The following FBXW7 variants were observed in gnomAD, a reference collection of about 807,000 sequenced individuals.
The protein encoded by FBXW7 is F-box and WD repeat domain containing 7, also known as F-box/WD repeat-containing protein 7.
A neutral mutation model predicts 86.3 loss-of-function variants in FBXW7; 11 were observed. The observed-to-expected ratio is 0.13, with a 90% CI of 0.08 to 0.21. The LOEUF (loss-of-function observed/expected upper bound fraction) is 0.21. FBXW7 is among the 10% of genes least tolerant of loss of function. The probability of loss-of-function intolerance (pLI) is 1.00; values close to 1 mark genes in which losing one functional copy is unlikely to be tolerated. For synonymous variants in FBXW7, 313 were observed against 297.9 expected (o/e 1.05, Z -0.52); for missense variants, 488 against 847.4 (o/e 0.58, Z 5.27).
rs548804951 is a variant in FBXW7 at position 152,446,145 on chromosome 4, A to G, written c.-119-33616T>C. On this transcript the variant is annotated intron_variant, in intron 2 of 13. Transcript: ENST00000281708. The stretch of plus-strand genomic sequence containing the variant: ...TAGGTACTGAATAAACTCCCTAATG[A>G]CATTATCTTTGTTAGAAAGTCTAGA... 2.6e-5 allele frequency among the ~76,000 whole-genome samples: 4 copies of G among 152,268 alleles called. No individual in the cohort carries two copies. The East Asian group carries it at 7.7e-4, about 29-fold the overall frequency.
At chr4:152,506,781 A>G (rs1219916282) in intron 2 of FBXW7, among the ~76,000 whole-genome samples, 2 of 152,238 alleles carry the variant, frequency 1.3e-5, no homozygotes. Context: ...AACTACTGCA[A>G]TTAGGTGGAT....
At chr4:152,406,680 G>A (rs761790890) in intron 4 of FBXW7, among the ~76,000 whole-genome samples, 101 of 152,264 alleles carry the variant, frequency 6.6e-4, no homozygotes, top group Non-Finnish European at 1.2e-3. Context: ...CTAATGAAAG[G>A]AAAGGGTACA....
intron 4 of FBXW7, among the ~76,000 whole-genome samples, chr4:152,391,643 T>C (rs1736005798): frequency 6.6e-6 from 1 of 152,064 alleles, no homozygotes; most frequent in African/African-American, 2.4e-5. Context: ...GGGGAAGAGA[T>C]TAAACACTGA....
chr4:152,470,481 C>G (rs1241963299), intron 2 of FBXW7, among the ~76,000 whole-genome samples: 1 of 152,004 alleles, frequency 6.6e-6, no homozygotes, highest in Non-Finnish European at 1.5e-5. Flanking sequence ...ATATTTCACA[C>G]AGTATTCATT....
At chr4:152,517,130 C>A (rs563766857) in intron 2 of FBXW7, among the ~76,000 whole-genome samples, 5 of 152,088 alleles carry the variant, frequency 3.3e-5, no homozygotes, top group Admixed American at 1.3e-4. Context: ...GCTGTTTCTG[C>A]CTTTCTAAAC....
At chr4:152,510,109 C>T (rs1747818724) in intron 2 of FBXW7, among the ~76,000 whole-genome samples, 1 of 152,180 alleles carries the variant, frequency 6.6e-6, no homozygotes, top group Admixed American at 6.5e-5. Context: ...ATGTTCACTG[C>T]AGCATTTTTC....
intron 2 of FBXW7, among the ~76,000 whole-genome samples, chr4:152,443,691 T>G (rs1272130637): frequency 6.6e-6 from 1 of 152,134 alleles, no homozygotes; most frequent in African/African-American, 2.4e-5. Context: ...GCTGGGTGGG[T>G]AGGTAAAGGC....
At chr4:152,354,444 A>G (rs1298047035) in intron 4 of FBXW7, among the ~76,000 whole-genome samples, 1 of 152,242 alleles carries the variant, frequency 6.6e-6, no homozygotes, top group Admixed American at 6.5e-5. Context: ...ATTTTCCTCA[A>G]TGTTCTGGGC....
At chr4:152,352,843 C>G (rs1240963690) in intron 4 of FBXW7, 6 of 1,514,932 alleles carry the variant, frequency 4.0e-6, no homozygotes, top group Non-Finnish European at 5.3e-6. Context: ...ATTCCTCCCT[C>G]AGCAGCAGAG....
chr4:152,487,427 T>C (rs1407552957), intron 2 of FBXW7, among the ~76,000 whole-genome samples: 1 of 151,970 alleles, frequency 6.6e-6, no homozygotes, highest in Non-Finnish European at 1.5e-5. Context: ...AATATCAACA[T>C]GAATAAATCT....
chr4:152,324,530 G>C, intron 12 of FBXW7, 136 bp from the exon 13 acceptor site: 1 of 670,664 alleles, frequency 1.5e-6, no homozygotes, highest in Non-Finnish European at 2.5e-6. Flanking sequence ...CTAAGATAAA[G>C]TGGCAATGAG....
intron 4 of FBXW7, among the ~76,000 whole-genome samples, chr4:152,377,027 T>G (rs1267081954): frequency 6.6e-6 from 1 of 152,188 alleles, no homozygotes; most frequent in Non-Finnish European, 1.5e-5. Flanking sequence ...GTCAACTGTT[T>G]GAAACTTTGT....
intron 4 of FBXW7, among the ~76,000 whole-genome samples, chr4:152,360,682 A>C (rs1455853467): frequency 6.6e-6 from 1 of 152,104 alleles, no homozygotes; most frequent in Non-Finnish European, 1.5e-5. Context: ...GAGCTAGGTG[A>C]CTATGGAAGG....
At chr4:152,336,039 G>C (rs1730056458) in intron 7 of FBXW7, among the ~76,000 whole-genome samples, 2 of 152,102 alleles carry the variant, frequency 1.3e-5, no homozygotes, top group Admixed American at 6.6e-5. Context: ...AGGTAATAAT[G>C]TTTTAAATAA....
intron 2 of FBXW7, among the ~76,000 whole-genome samples, chr4:152,430,990 A>G (rs1190020189): frequency 1.3e-5 from 2 of 152,326 alleles, no homozygotes; most frequent in Non-Finnish European, 1.5e-5. Context: ...AGTACAATCA[A>G]ACAGTACCTC....
chr4:152,474,557 C>T (rs537008311), intron 2 of FBXW7, among the ~76,000 whole-genome samples: 6 of 152,264 alleles, frequency 3.9e-5, no homozygotes, highest in African/African-American at 1.4e-4. Flanking sequence ...TTTGATTTAG[C>T]CTAATTGTAA....
rs145030490 is a variant in FBXW7 at position 152,374,912 on chromosome 4, A to C, written c.502-24788T>G. Among the ~76,000 whole-genome samples the C allele has an allele frequency of 4.2e-3, 634 of 152,168 alleles. 2 individuals are homozygous for C. The highest frequency in any genetic ancestry group is 0.014 in the African/African-American group (578 of 41,556). On this transcript the variant is annotated intron_variant, in intron 4 of 13. Coordinates refer to ENST00000281708, the MANE Select transcript of FBXW7 (RefSeq NM_001349798.2). The stretch of plus-strand genomic sequence containing the variant: ...AGGGGGGGGGATGATGCTGGCTTTT[A>C]AAACGTTTTATATTTCCGTATGTTA...
At chr4:152,405,232 T>C (rs1335544702) in intron 4 of FBXW7, among the ~76,000 whole-genome samples, 1 of 151,874 alleles carries the variant, frequency 6.6e-6, no homozygotes, top group Non-Finnish European at 1.5e-5. Context: ...TGAAGAATTA[T>C]ATGTCAACTT....
At position 152,347,062 on chromosome 4, in the gene FBXW7, C is replaced by T. The variant is rs747156589; in HGVS notation, c.594G>A (p.Gly198=). 4 of 1,587,384 alleles carry T rather than the reference C, an allele frequency of 2.5e-6. No homozygotes were observed. The South Asian group carries it at 3.5e-5, about 14-fold the overall frequency. Residue 198 remains glycine, a synonymous_variant, in exon 6 of 14, where the codon GGG becomes GGA. Coordinates refer to ENST00000281708, the MANE Select transcript of FBXW7 (RefSeq NM_001349798.2). ...CKVSEYTSTT[G]LVPCSATPTT... is the part of the protein sequence containing the mutation. ...TTGGTGTTGCTGAACATGGTACAAG[C>T]CCAGTGGTACTACAAAAAAAAAAAA...
Sources: allele counts gnomAD v4.1 joint callset (sites outside exome capture counted in the v4.1 genomes callset), GRCh38; gene constraint gnomAD v4.1.1; transcripts MANE v1.5; gene names NCBI Gene and HGNC (gene_info 2026-07-23, HGNC 2026-07-21).